QSER1: variants seen among roughly 807,000 people sequenced by gnomAD.
QSER1 encodes the protein glutamine and serine-rich protein 1.
A neutral mutation model predicts 158.5 loss-of-function variants in QSER1; 49 were observed. That is an observed-to-expected ratio of 0.31 (90% CI 0.25 to 0.39). The LOEUF (loss-of-function observed/expected upper bound fraction) is 0.39. Ranked by LOEUF, QSER1 falls within the 10% of genes least tolerant of loss-of-function variation. QSER1 has a pLI of 1.00. For synonymous variants in QSER1, 650 were observed against 715.5 expected, an observed-to-expected ratio of 0.91 and a Z score of 1.46; for missense variants, 1,754 against 2,010.3, an observed-to-expected ratio of 0.87 and a Z score of 2.44.
At chr11:32,968,431 A>C (rs1157362125) in intron 9 of QSER1, among the ~76,000 whole-genome samples, 1 of 152,242 alleles carries the variant, frequency 6.6e-6, no homozygotes, top group East Asian at 1.9e-4. Context: ...ATGGAGCTTA[A>C]AGTTCAGAGT....
At chr11:32,931,313 C>T (rs1852042387) in intron 3 of QSER1, among the ~76,000 whole-genome samples, 1 of 152,108 alleles carries the variant, frequency 6.6e-6, no homozygotes, top group South Asian at 2.1e-4. Context: ...GGCGTGGTGG[C>T]TTGCACCTAT....
chr11:32,933,293 C>A lies in QSER1; in HGVS notation c.2035C>A (p.Leu679Ile), dbSNP rs748338862. The A allele has an allele frequency of 6.2e-7, 1 of 1,609,928 alleles. No individual in the cohort carries two copies. The highest frequency in any genetic ancestry group is 1.3e-5 in the African/African-American group (1 of 74,804). The change falls in exon 4 of 13, where the codon CTT becomes ATT. Residue 679 changes from leucine to isoleucine, a missense_variant. Leu to Ile is a conservative substitution (Grantham distance 5, BLOSUM62 2). Around this residue, in one of 2 missense-constraint regions of QSER1, gnomAD observed 1,707 missense variants for 1,919.6 expected, o/e 0.89. Coordinates refer to ENST00000650167, the MANE Select transcript of QSER1 (RefSeq NM_001076786.3). Reference protein sequence around the residue: ...PDPKSYAERKLDSDVYPSSKQ... With the variant: ...PDPKSYAERKIDSDVYPSSKQ... ...CCCAAAGTCTTATGCTGAAAGAAAG[C>A]TTGACTCAGATGTGTATCCATCTTC...
chr11:32,911,038 C>T (rs1002955643), intron 1 of QSER1, among the ~76,000 whole-genome samples: 4 of 152,184 alleles, frequency 2.6e-5, no homozygotes, highest in South Asian at 4.1e-4. Flanking sequence ...TCTCCTCAAA[C>T]GGTTTCTCTA....
chr11:32,916,201 G>A (rs1396271738), intron 1 of QSER1, among the ~76,000 whole-genome samples: 1 of 152,096 alleles, frequency 6.6e-6, no homozygotes, highest in Non-Finnish European at 1.5e-5. Context: ...GCGCTCGGCT[G>A]GATGAATATA....
chr11:32,932,592 A>G lies in QSER1; in HGVS notation c.1334A>G (p.Gln445Arg), dbSNP rs1231888000. 6.2e-7 allele frequency: 1 copy of G among 1,614,092 alleles called. No individual in the cohort carries two copies. ...TLSYSKPLHN[Q>R]SSVISGQAQI... is the part of the protein sequence containing the mutation. ...AGCTATTCCAAACCTTTACATAATC[A>G]GAGTTCTGTAATATCGGGCCAAGCA... The change falls in exon 4 of 13, where the codon CAG (glutamine) becomes CGG (arginine). Residue 445 changes from glutamine to arginine, a missense_variant. By Grantham distance (43) the Gln-to-Arg change is conservative (BLOSUM62 1). Coordinates refer to ENST00000650167, the MANE Select transcript of QSER1 (RefSeq NM_001076786.3).
At chr11:32,919,157 C>T (rs1362737167) in intron 1 of QSER1, among the ~76,000 whole-genome samples, 3 of 151,876 alleles carry the variant, frequency 2.0e-5, no homozygotes, top group East Asian at 1.9e-4. Flanking sequence ...TTTGTTGTTG[C>T]GGTTTTGTTT....
At position 32,932,433 on chromosome 11, in the gene QSER1, C is replaced by G; in HGVS notation, c.1175C>G (p.Ser392Cys). The change falls in exon 4 of 13, where the codon TCT becomes TGT. Residue 392 changes from serine to cysteine, a missense_variant. Transcript: ENST00000650167. ...CAGGTCTCAGTGGAACTTGCTCAGT[C>G]TTACTCATCTGCGATTCCATCATCA... ...TSQVSVELAQ[S>C]YSSAIPSSGY... 6.2e-7 allele frequency: 1 copy of G among 1,613,184 alleles called. No individual in the cohort carries two copies. Among genetic ancestry groups the G allele is most frequent in the Non-Finnish European group, 8.5e-7 (1 of 1,179,972 alleles).
At chr11:32,904,347 C>A (rs147589448) in intron 1 of QSER1, among the ~76,000 whole-genome samples, 2,956 of 152,130 alleles carry the variant, frequency 0.019, 46 homozygotes, top group South Asian at 0.038. Flanking sequence ...ATGCGCCACC[C>A]CATTCAGCTG....
intron 4 of QSER1, among the ~76,000 whole-genome samples, chr11:32,950,412 T>G (rs1852403269): frequency 6.6e-6 from 1 of 152,162 alleles, no homozygotes; most frequent in East Asian, 1.9e-4. Context: ...CCATTTTTAT[T>G]TACTTATTGT....
chr11:32,906,107 T>G (rs558823129), intron 1 of QSER1, among the ~76,000 whole-genome samples: 2,812 of 149,840 alleles, frequency 0.019, 39 homozygotes, highest in South Asian at 0.038. Flanking sequence ...TTTTTTAGTT[T>G]TTTTTTTTTT....
intron 1 of QSER1, among the ~76,000 whole-genome samples, chr11:32,906,956 T>C (rs1208035530): frequency 6.6e-6 from 1 of 152,222 alleles, no homozygotes; most frequent in Non-Finnish European, 1.5e-5. Flanking sequence ...ATTTTTTTGA[T>C]ATAACTACAA....
chr11:32,934,761 C>G lies in QSER1; in HGVS notation c.3503C>G (p.Ala1168Gly). The G allele has an allele frequency of 6.2e-7, 1 of 1,613,912 alleles. No individual in the cohort carries two copies. The highest frequency in any genetic ancestry group is 8.5e-7 in the Non-Finnish European group (1 of 1,179,932). ...GDDSGVSMNPARSALALLAMA... is the reference protein window; with the variant it reads ...GDDSGVSMNPGRSALALLAMA... ...GACAGTGGTGTGTCAATGAACCCAG[C>G]TAGGAGTGCACTTGCACTGTTGGCC... is the stretch of plus-strand genomic sequence containing the variant. The change falls in exon 4 of 13, where the codon GCT becomes GGT. Residue 1168 changes from alanine to glycine, a missense_variant. Around this residue, in one of 2 missense-constraint regions of QSER1, gnomAD observed 1,707 missense variants for 1,919.6 expected, o/e 0.89. Coordinates refer to ENST00000650167, the MANE Select transcript of QSER1 (RefSeq NM_001076786.3).
At chr11:32,966,223 G>T in intron 8 of QSER1, 77 bp from the exon 9 acceptor site, 3 of 1,465,396 alleles carry the variant, frequency 2.0e-6, no homozygotes, top group South Asian at 1.3e-5. Context: ...TCTGCTTCTA[G>T]GGTCTCGTTA....
chr11:32,935,312 T>C lies in QSER1; in HGVS notation c.4054T>C (p.Leu1352=). The change falls in exon 4 of 13, where the codon TTG becomes CTG. Residue 1352 remains leucine (L), a synonymous_variant. Coordinates refer to ENST00000650167, the MANE Select transcript of QSER1 (RefSeq NM_001076786.3). The part of the protein sequence containing the change: ...SDKVDNELKN[L]EHLSSFSSDE... ...TAAAGTTGATAATGAACTTAAAAAC[T>C]TGGAACATTTATCTTCATTTTCTTC... is the stretch of plus-strand genomic sequence containing the variant. 6.2e-7 allele frequency: 1 copy of C among 1,613,962 alleles called. No homozygotes were observed. Among genetic ancestry groups the C allele is most frequent in the Non-Finnish European group, 8.5e-7 (1 of 1,179,898 alleles).
intron 1 of QSER1, among the ~76,000 whole-genome samples, chr11:32,909,074 C>T (rs1485470798): frequency 3.9e-5 from 6 of 152,122 alleles, no homozygotes; most frequent in African/African-American, 9.7e-5. Context: ...GCAGGGGAAT[C>T]GCTTGAACCC....
chr11:32,969,668 C>T (rs987960313), intron 10 of QSER1, among the ~76,000 whole-genome samples: 34 of 149,288 alleles, frequency 2.3e-4, no homozygotes, highest in African/African-American at 6.6e-4. Flanking sequence ...AAATTTCTAG[C>T]TTTTTTTCTT....
chr11:32,917,128 TG>T (rs1031323648), intron 1 of QSER1, among the ~76,000 whole-genome samples: 7 of 152,242 alleles, frequency 4.6e-5, no homozygotes, highest in Admixed American at 2.6e-4. Context: ...CTTTTGTGTT[TG>T]GCTTCTTTCA....
intron 4 of QSER1, among the ~76,000 whole-genome samples, chr11:32,939,794 C>A (rs946773019): frequency 6.6e-6 from 1 of 152,090 alleles, no homozygotes; most frequent in Non-Finnish European, 1.5e-5. Flanking sequence ...GTCTGTCTTA[C>A]ACTTGTGCAT....
intron 4 of QSER1, among the ~76,000 whole-genome samples, chr11:32,936,366 T>A (rs1394471388): frequency 6.6e-6 from 1 of 152,188 alleles, no homozygotes; most frequent in Non-Finnish European, 1.5e-5. Context: ...GGACATGAAC[T>A]CATCCTTTTT....
Sources: allele counts gnomAD v4.1 joint callset (sites outside exome capture counted in the v4.1 genomes callset), GRCh38; gene constraint gnomAD v4.1.1; regional missense constraint gnomAD v4.1.1; transcripts MANE v1.5; gene names NCBI Gene and HGNC (gene_info 2026-07-23, HGNC 2026-07-21).